The following CDK5 variants were observed in gnomAD, a reference collection of about 807,000 sequenced individuals.
CDK5 encodes cyclin dependent kinase 5.
CDK5 carries 18 observed loss-of-function variants against 44.6 expected under a neutral mutation model. The observed-to-expected ratio is 0.40, with a 90% CI of 0.28 to 0.60. CDK5 has a LOEUF of 0.60. Ranked by LOEUF, CDK5 falls within the 20% of genes least tolerant of loss-of-function variation. CDK5 has a pLI of 0.38. For missense variants in CDK5, 198 were observed against 368.1 expected, an observed-to-expected ratio of 0.54 and a Z score of 3.78; for synonymous variants, 143 against 152.8, an observed-to-expected ratio of 0.94 and a Z score of 0.47.
At chr7:151,055,872 A>G (rs1796883501) in intron 5 of CDK5, 24 bp from the exon 6 acceptor site, 1 of 1,523,268 alleles carries the variant, frequency 6.6e-7, no homozygotes, top group Admixed American at 1.8e-5. Flanking sequence ...GGGAGAAGGG[A>G]GTCAGACGCC....
Position 151,054,615 on chromosome 7 carries a change from A to C in CDK5, c.651-150T>G. The C allele has an allele frequency of 1.4e-6, 1 of 720,028 alleles. No homozygotes were observed. Among genetic ancestry groups the C allele is most frequent in the South Asian group, 1.9e-5 (1 of 53,600 alleles). The allele number at this position is 720,028 out of a possible 1,614,324, so 44.6% of individuals were successfully genotyped here. A position where few individuals can be genotyped will look rare whatever the true frequency, so the allele number is the denominator to read the frequency against. On this transcript the variant is annotated intron_variant, in intron 9 of 11. Coordinates refer to ENST00000485972, the MANE Select transcript of CDK5 (RefSeq NM_004935.4). This position sits in a 1 kb window ranked among gnomAD's most constrained non-coding sequence, Gnocchi z 5.7. ...TTACCCTCCGGCTTGAGCTTGACAG[A>C]AGCAGCCCCAGGCAGGTCACTCGCA...
At position 151,056,919 on chromosome 7, in the gene CDK5, C is replaced by T. The variant is rs1160948030; in HGVS notation, c.183G>A (p.Lys61=). 6.2e-7 allele frequency: 1 copy of T among 1,612,184 alleles called. No homozygotes were observed. The highest frequency in any genetic ancestry group is 8.5e-7 in the Non-Finnish European group (1 of 1,179,112). The part of the protein sequence containing the change: ...EICLLKELKH[K]NIVRLHDVLH... ...CGCCTCCCGCACACCTGACGATGTT[C>T]TTGTGCTTCAGCTCCTTGAGTAGGC... The change falls in exon 3 of 12, where the codon AAG becomes AAA. Residue 61 remains lysine, a synonymous_variant. Coordinates refer to ENST00000485972, the MANE Select transcript of CDK5 (RefSeq NM_004935.4). This position sits in a 1 kb window ranked among gnomAD's most constrained non-coding sequence, Gnocchi z 4.7.
At position 151,056,194 on chromosome 7, in the gene CDK5, C is replaced by T. The variant is rs929400040; in HGVS notation, c.313-346G>A. 2.6e-5 allele frequency: 13 copies of T among 504,694 alleles called. No homozygotes were observed. Among genetic ancestry groups the T allele is most frequent in the South Asian group, 2.7e-5 (1 of 37,578 alleles). The allele number at this position is 504,694 out of a possible 1,614,324, so 31.3% of individuals were successfully genotyped here. ...ACGCCGTGAACATCAACATAAATAT[C>T]GTGCTGTAGTATCATTCAGGACTGG... On this transcript the variant is annotated intron_variant, in intron 5 of 11. Coordinates refer to ENST00000485972, the MANE Select transcript of CDK5 (RefSeq NM_004935.4). This position sits in a 1 kb window ranked among gnomAD's most constrained non-coding sequence, Gnocchi z 4.7.
chr7:151,056,508 C>G lies in CDK5; in HGVS notation c.312+72G>C. On this transcript the variant is annotated intron_variant, in intron 5 of 11. Coordinates refer to ENST00000485972, the MANE Select transcript of CDK5 (RefSeq NM_004935.4). This position sits in a 1 kb window ranked among gnomAD's most constrained non-coding sequence, Gnocchi z 4.7. Reference sequence around the variant, plus strand: ...CCCTGTTCAGGGCCCAAACTTAGAGCCCAAGGGGTGCTTACACCGAATGCA... The same window carrying G: ...CCCTGTTCAGGGCCCAAACTTAGAGGCCAAGGGGTGCTTACACCGAATGCA... The G allele has an allele frequency of 1.4e-6, 2 of 1,397,448 alleles. No individual in the cohort carries two copies. Among genetic ancestry groups the G allele is most frequent in the Non-Finnish European group, 2.0e-6 (2 of 996,084 alleles). The allele number at this position is 1,397,448 out of a possible 1,614,324, so 86.6% of individuals were successfully genotyped here. A position where few individuals can be genotyped will look rare whatever the true frequency, so the allele number is the denominator to read the frequency against.
At position 151,056,036 on chromosome 7, in the gene CDK5, A is replaced by G. The variant is rs748173281; in HGVS notation, c.313-188T>C. The G allele has an allele frequency of 1.7e-6, 1 of 591,250 alleles. No homozygotes were observed. Among genetic ancestry groups the G allele is most frequent in the Non-Finnish European group, 3.0e-6 (1 of 330,774 alleles). The allele number at this position is 591,250 out of a possible 1,614,324, so 36.6% of individuals were successfully genotyped here. On this transcript the variant is annotated intron_variant, in intron 5 of 11. Transcript: ENST00000485972. The surrounding 1 kb of genome is among the most constrained non-coding windows in gnomAD (Gnocchi z 4.7). ...TACTGTGCTAGGCATTAGAGGGACC[A>G]AAGTAAAGAAGCTGGCTCTGGTCCC... is the stretch of plus-strand genomic sequence containing the variant.
rs558975574 is a variant in CDK5, at chr7:151,054,960, C to T, written c.650+67G>A. On this transcript the variant is annotated intron_variant, in intron 9 of 11. Coordinates refer to ENST00000485972, the MANE Select transcript of CDK5 (RefSeq NM_004935.4). This position sits in a 1 kb window ranked among gnomAD's most constrained non-coding sequence, Gnocchi z 5.7. ...ACCCCACACCATCACTGCCCTCACCCATTGTGCTCAAAACTCCATGGACTC... is the reference window on the plus strand; with the variant it reads ...ACCCCACACCATCACTGCCCTCACCTATTGTGCTCAAAACTCCATGGACTC... 4.1e-5 allele frequency: 61 copies of T among 1,492,956 alleles called. No homozygotes were observed. The highest frequency in any genetic ancestry group is 5.5e-5 in the Non-Finnish European group (59 of 1,072,438). The allele number at this position is 1,492,956 out of a possible 1,614,324, so 92.5% of individuals were successfully genotyped here. A position where few individuals can be genotyped will look rare whatever the true frequency, so the allele number is the denominator to read the frequency against.
rs763930713 is a variant in CDK5, at chr7:151,055,307, C to T, written c.550G>A (p.Asp184Asn). The T allele has an allele frequency of 1.9e-6, 3 of 1,613,856 alleles. No homozygotes were observed. The highest frequency in any genetic ancestry group is 2.5e-6 in the Non-Finnish European group (3 of 1,179,802). Residue 184 changes from aspartate (D) to asparagine (N), a missense_variant, in exon 8 of 12, where the codon GAC (aspartate) becomes AAC (asparagine). By Grantham distance (23) the Asp-to-Asn change is conservative. This residue lies in a region of CDK5 where 38 missense variants were observed against 115.0 expected (regional missense o/e 0.33). Coordinates refer to ENST00000485972, the MANE Select transcript of CDK5 (RefSeq NM_004935.4). ...FGAKLYSTSI[D>N]MWSAGCIFAE... Reference sequence around the variant, plus strand: ...AAGATGCAGCCGGCTGACCACATGTCGATGGACGTGGAGTACAGCTTGGCC... The same window carrying T: ...AAGATGCAGCCGGCTGACCACATGTTGATGGACGTGGAGTACAGCTTGGCC...
At position 151,057,787 on chromosome 7, in the gene CDK5, C is replaced by A; in HGVS notation, c.37+25G>T. 6.2e-7 allele frequency: 1 copy of A among 1,606,254 alleles called. No homozygotes were observed. The highest frequency in any genetic ancestry group is 1.3e-5 in the African/African-American group (1 of 74,878). ...CGAAGGATCTGCAGAGGAGCTCTTG[C>A]AGGAACATCTCGAGATTCCATTACC... On this transcript the variant is annotated intron_variant, in intron 1 of 11. Coordinates refer to ENST00000485972, the MANE Select transcript of CDK5 (RefSeq NM_004935.4). The surrounding 1 kb of genome is among the most constrained non-coding windows in gnomAD (Gnocchi z 5.2).
In CDK5 at chr7:151,054,544, C is replaced by T; in HGVS notation, c.651-79G>A. On this transcript the variant is annotated intron_variant, in intron 9 of 11. Transcript: ENST00000485972. The surrounding 1 kb of genome is among the most constrained non-coding windows in gnomAD (Gnocchi z 5.7). ...GGCAGGGTGAGGGCCTCTTCCCCTC[C>T]TGGGGAGGGATTCCTCATACCCACC... 5 of 1,346,402 alleles carry T rather than the reference C, an allele frequency of 3.7e-6. No homozygotes were observed. Among genetic ancestry groups the T allele is most frequent in the African/African-American group, 1.4e-5 (1 of 69,210 alleles). 83.4% of individuals were successfully genotyped at this position (1,346,402 alleles called of 1,614,324 possible).
Position 151,056,343 on chromosome 7 carries a change from T to C in CDK5, c.312+237A>G. On this transcript the variant is annotated intron_variant, in intron 5 of 11. Coordinates refer to ENST00000485972, the MANE Select transcript of CDK5 (RefSeq NM_004935.4). This position sits in a 1 kb window ranked among gnomAD's most constrained non-coding sequence, Gnocchi z 4.7. Reference sequence around the variant, plus strand: ...TATCTCCTTGAACCTCATTTTCTCATCTCTCGAGTGTAAATAATATCACTG... The same window carrying C: ...TATCTCCTTGAACCTCATTTTCTCACCTCTCGAGTGTAAATAATATCACTG... 1 of 593,516 alleles carries C rather than the reference T, an allele frequency of 1.7e-6. No individual in the cohort carries two copies. Among genetic ancestry groups the C allele is most frequent in the South Asian group, 2.1e-5 (1 of 48,476 alleles). 36.8% of individuals were successfully genotyped at this position (593,516 alleles called of 1,614,324 possible).
rs1468796793 is a variant in CDK5, at chr7:151,054,077, G to A, written c.811C>T (p.Pro271Ser). The A allele has an allele frequency of 4.4e-6, 7 of 1,601,930 alleles. No homozygotes were observed. The highest frequency in any genetic ancestry group is 6.0e-6 in the Non-Finnish European group (7 of 1,174,396). The change falls in exon 12 of 12, where the codon CCT (proline) becomes TCT (serine). Residue 271 changes from proline (P) to serine (S), a missense_variant. Around this residue, in one of 4 missense-constraint regions of CDK5, gnomAD observed 81 missense variants for 102.1 expected, o/e 0.79. Transcript: ENST00000485972. The surrounding 1 kb of genome is among the most constrained non-coding windows in gnomAD (Gnocchi z 5.7). The part of the protein sequence containing the change: ...DLLQNLLKCN[P>S]VQRISAEEAL... ...TCTTCTGCTGAGATACGCTGGACAG[G>A]GTTACACTTCAGAAGGTTCTGGAGA...
Position 151,054,349 on chromosome 7 carries a change from A to G in CDK5, c.711+56T>C, listed in dbSNP as rs1796852934. ...GTAGGGGGAGGGGGATGGAGGCGCT[A>G]GGAATGTGAAACGAGTGACCCTGAT... On this transcript the variant is annotated intron_variant, in intron 10 of 11. Transcript: ENST00000485972. The surrounding 1 kb of genome is among the most constrained non-coding windows in gnomAD (Gnocchi z 5.7). 1 of 1,611,796 alleles carries G rather than the reference A, an allele frequency of 6.2e-7. No individual in the cohort carries two copies. Among genetic ancestry groups the G allele is most frequent in the East Asian group, 2.2e-5 (1 of 44,850 alleles).
Position 151,056,967 on chromosome 7 carries a change from C to T in CDK5, c.135G>A (p.Pro45=), listed in dbSNP as rs766324720. ...GGCAGATCTCCCGGAGGGCGGAACT[C>T]GGCACACCCTGCATATGTGAGGGGG... ...VRLDDDDEGV[P]SSALREICLL... The change falls in exon 3 of 12, where the codon CCG becomes CCA. Residue 45 remains proline, a synonymous_variant. Transcript: ENST00000485972. The surrounding 1 kb of genome is among the most constrained non-coding windows in gnomAD (Gnocchi z 4.7). The T allele has an allele frequency of 4.3e-6, 7 of 1,613,742 alleles. No homozygotes were observed. Among genetic ancestry groups the T allele is most frequent in the Non-Finnish European group, 5.1e-6 (6 of 1,179,890 alleles).
Position 151,057,754 on chromosome 7 carries a change from A to C in CDK5, c.37+58T>G. The C allele has an allele frequency of 6.4e-7, 1 of 1,565,778 alleles. No individual in the cohort carries two copies. Among genetic ancestry groups the C allele is most frequent in the Middle Eastern group, 1.7e-4 (1 of 6,002 alleles). On this transcript the variant is annotated intron_variant, in intron 1 of 11. Transcript: ENST00000485972. The surrounding 1 kb of genome is among the most constrained non-coding windows in gnomAD (Gnocchi z 5.2). ...TGACGGTAAGGGAGCCAGGGCTTCA[A>C]GGAATGCCGAAGGATCTGCAGAGGA...
In CDK5 at chr7:151,057,003, G is replaced by T; in HGVS notation, c.127-28C>A. On this transcript the variant is annotated intron_variant, in intron 2 of 11. Coordinates refer to ENST00000485972, the MANE Select transcript of CDK5 (RefSeq NM_004935.4). This position sits in a 1 kb window ranked among gnomAD's most constrained non-coding sequence, Gnocchi z 5.2. ...GCATATGTGAGGGGGCCGGTGGGCA[G>T]CAGTCAGATCCCACCCAGCCCAGGC... The T allele has an allele frequency of 6.2e-7, 1 of 1,613,528 alleles. No individual in the cohort carries two copies. The highest frequency in any genetic ancestry group is 8.5e-7 in the Non-Finnish European group (1 of 1,179,552).
chr7:151,056,689 C>A lies in CDK5; in HGVS notation c.255+47G>T. The A allele has an allele frequency of 6.2e-7, 1 of 1,611,146 alleles. No homozygotes were observed. Among genetic ancestry groups the A allele is most frequent in the South Asian group, 1.1e-5 (1 of 90,572 alleles). On this transcript the variant is annotated intron_variant, in intron 4 of 11. Transcript: ENST00000485972. The surrounding 1 kb of genome is among the most constrained non-coding windows in gnomAD (Gnocchi z 4.7). ...GGACAGAGTTTAACCTCAATCTGGG[C>A]CCCTATACCTTCCCAAGGCTACTGT...
In CDK5 at chr7:151,054,326, AG is replaced by A; in HGVS notation, c.712-35del. The A allele has an allele frequency of 6.2e-7, 1 of 1,612,098 alleles. No individual in the cohort carries two copies. Among genetic ancestry groups the A allele is most frequent in the Non-Finnish European group, 8.5e-7 (1 of 1,178,414 alleles). On this transcript the variant is annotated intron_variant, in intron 10 of 11. Coordinates refer to ENST00000485972, the MANE Select transcript of CDK5 (RefSeq NM_004935.4). This position sits in a 1 kb window ranked among gnomAD's most constrained non-coding sequence, Gnocchi z 5.7. ...AGGCAGGGAGGGTCAGACTAGAGGT[AG>A]GGGGAGGGGGATGGAGGCGCTAGGA...
chr7:151,054,533 C>T lies in CDK5; in HGVS notation c.651-68G>A. ...GCATCTTCAGGGGCAGGGTGAGGGC[C>T]TCTTCCCCTCCTGGGGAGGGATTCC... On this transcript the variant is annotated intron_variant, in intron 9 of 11. Coordinates refer to ENST00000485972, the MANE Select transcript of CDK5 (RefSeq NM_004935.4). The surrounding 1 kb of genome is among the most constrained non-coding windows in gnomAD (Gnocchi z 5.7). 1.4e-6 allele frequency: 2 copies of T among 1,452,552 alleles called. No individual in the cohort carries two copies. Among genetic ancestry groups the T allele is most frequent in the South Asian group, 2.5e-5 (2 of 79,836 alleles). The allele number at this position is 1,452,552 out of a possible 1,614,324, so 90.0% of individuals were successfully genotyped here.
Position 151,057,874 on chromosome 7 carries a change from G to A in CDK5, c.-26C>T. On this transcript the variant is annotated 5_prime_UTR_variant, in exon 1 of 12. Transcript: ENST00000485972. The surrounding 1 kb of genome is among the most constrained non-coding windows in gnomAD (Gnocchi z 5.2). ...CGCGGCGGCCGCGGGGACCCCTGCGGGCCCTCGGTTTTAAGACTCTGGCCC... is the reference window on the plus strand; with the variant it reads ...CGCGGCGGCCGCGGGGACCCCTGCGAGCCCTCGGTTTTAAGACTCTGGCCC... The A allele has an allele frequency of 1.9e-6, 3 of 1,601,148 alleles. No homozygotes were observed. Among genetic ancestry groups the A allele is most frequent in the Middle Eastern group, 1.7e-4 (1 of 5,828 alleles).
Sources: gnomAD v4.1 joint callset for allele counts on GRCh38, gnomAD v4.1.1 for gene constraint, gnomAD v4.1.1 regional missense constraint, Gnocchi (gnomAD v3.1) non-coding constraint, MANE v1.5 for transcripts, NCBI Gene and HGNC (gene_info 2026-07-23, HGNC 2026-07-21) for gene names.